Variants in CCDC158 observed in about 807,000 individuals in gnomAD.
CCDC158 encodes coiled-coil domain-containing protein 158.
Under a neutral mutation model 138.6 loss-of-function variants are expected in CCDC158, and 116 were observed. The ratio of observed to expected loss-of-function variants is 0.84; its 90% CI spans 0.72 to 0.98. CCDC158 has a LOEUF of 0.98. Among genes scored for constraint, CCDC158 ranks in the 50% least tolerant of loss-of-function variants. The pLI, the probability that CCDC158 is intolerant of heterozygous loss-of-function variation, is 0.00. For missense variants in CCDC158, 1,265 were observed against 1,306.1 expected, an observed-to-expected ratio of 0.97 and a Z score of 0.48; for synonymous variants, 436 against 442.4, an observed-to-expected ratio of 0.99 and a Z score of 0.18.
rs1042929831 is a variant in CCDC158, at chr4:76,408,432, C to T, written c.-74+3658G>A. 1.7e-4 allele frequency among the ~76,000 whole-genome samples: 25 copies of T among 151,206 alleles called. No individual in the cohort carries two copies. In the South Asian group the frequency reaches 1.7e-3, roughly 10 times the overall value. ...ATTCCCACCTATGAGTGAGAACATG[C>T]GGTGTTTGGTTTTTTGTCCTTGTGA... On this transcript the variant is annotated intron_variant, in intron 2 of 24. Coordinates refer to ENST00000682701, the MANE Select transcript of CCDC158 (RefSeq NM_001394954.1).
At chr4:76,409,864 A>G (rs1298435091) in intron 2 of CCDC158, among the ~76,000 whole-genome samples, 1 of 151,760 alleles carries the variant, frequency 6.6e-6, no homozygotes, top group Non-Finnish European at 1.5e-5. Context: ...ATAAAAAGTA[A>G]TATCTGTGTA....
intron 24 of CCDC158, among the ~76,000 whole-genome samples, chr4:76,318,976 A>C (rs962763489): frequency 9.2e-5 from 14 of 151,686 alleles, no homozygotes; most frequent in African/African-American, 3.4e-4. Flanking sequence ...AAGAATACAA[A>C]AATTAGCTGG....
intron 18 of CCDC158, among the ~76,000 whole-genome samples, chr4:76,346,574 G>A (rs1226968307): frequency 6.6e-6 from 1 of 152,164 alleles, no homozygotes; most frequent in Admixed American, 6.5e-5. Flanking sequence ...GCTGGGCATG[G>A]TGGCACGTGC....
At chr4:76,412,713 T>C (rs549788458) in intron 1 of CCDC158, among the ~76,000 whole-genome samples, 8 of 152,292 alleles carry the variant, frequency 5.3e-5, no homozygotes, top group Non-Finnish European at 1.0e-4. Context: ...ATTGTGCCAC[T>C]ACACTCCAGC....
At chr4:76,353,936 ATTTC>A (rs2110182250) in intron 15 of CCDC158, among the ~76,000 whole-genome samples, 1 of 152,312 alleles carries the variant, frequency 6.6e-6, no homozygotes, top group South Asian at 2.1e-4. Context: ...TTGAGTCTAC[ATTTC>A]TTTATGTATT....
intron 21 of CCDC158, 112 bp from the exon 22 acceptor site, chr4:76,329,079 C>G: frequency 1.2e-6 from 1 of 806,298 alleles, no homozygotes; most frequent in South Asian, 1.5e-5. Context: ...AATATAACCT[C>G]AAGATGGCAA....
rs142423328 is a variant in CCDC158 at position 76,344,086 on chromosome 4, A to C, written c.2664+6910T>G. Among the ~76,000 whole-genome samples, 19 of 152,298 alleles carry C rather than the reference A, an allele frequency of 1.2e-4. 1 individual carries two copies. In the East Asian group the frequency reaches 3.7e-3, roughly 29 times the overall value. On this transcript the variant is annotated intron_variant, in intron 18 of 24. Coordinates refer to ENST00000682701, the MANE Select transcript of CCDC158 (RefSeq NM_001394954.1). The stretch of plus-strand genomic sequence containing the variant: ...ATTGTCTTTGTTTGCAGATGACATG[A>C]TTGTATATTTAGAAAACCCTATCGC...
At chr4:76,322,753 C>T (rs1321075761) in intron 24 of CCDC158, among the ~76,000 whole-genome samples, 1 of 152,064 alleles carries the variant, frequency 6.6e-6, no homozygotes, top group East Asian at 1.9e-4. Flanking sequence ...AGAACTTATG[C>T]CCAAAAAGCT....
chr4:76,417,745 G>A (rs553542864), intron 1 of CCDC158, among the ~76,000 whole-genome samples: 1 of 152,118 alleles, frequency 6.6e-6, no homozygotes, highest in Non-Finnish European at 1.5e-5. Flanking sequence ...GGTAGGTGAG[G>A]GAAGGCCTTC....
chr4:76,375,998 A>G (rs1725681009), intron 9 of CCDC158, among the ~76,000 whole-genome samples: 1 of 152,150 alleles, frequency 6.6e-6, no homozygotes, highest in Non-Finnish European at 1.5e-5. Flanking sequence ...GCCCCTCATA[A>G]AACATGTTGA....
chr4:76,357,037 A>G (rs982399474), intron 14 of CCDC158, among the ~76,000 whole-genome samples: 1 of 152,224 alleles, frequency 6.6e-6, no homozygotes. Context: ...GTTGAAAAAT[A>G]AAGGATTGAA....
rs141046596 is a variant in CCDC158 at position 76,373,177 on chromosome 4, G to A, written c.1030-1641C>T. Among the ~76,000 whole-genome samples the A allele has an allele frequency of 3.4e-3, 523 of 152,248 alleles. 5 individuals carry two copies. The highest frequency in any genetic ancestry group is 0.012 in the African/African-American group (494 of 41,554). ...ATAGTTCTTTATGTCTAGGTTCAGCGTATGCTAAGAGGCTAGGATCTCAGA... is the reference window on the plus strand; with the variant it reads ...ATAGTTCTTTATGTCTAGGTTCAGCATATGCTAAGAGGCTAGGATCTCAGA... On this transcript the variant is annotated intron_variant, in intron 9 of 24. Transcript: ENST00000682701.
chr4:76,401,422 G>T (rs1020602988), intron 3 of CCDC158: 1 of 461,884 alleles, frequency 2.2e-6, no homozygotes, highest in Non-Finnish European at 4.2e-6. Flanking sequence ...CAATTTTCTG[G>T]AAAAAGACTA....
chr4:76,351,195 T>C, intron 17 of CCDC158, 74 bp from the exon 18 acceptor site: 6 of 1,401,032 alleles, frequency 4.3e-6, no homozygotes, highest in African/African-American at 1.4e-5. Context: ...TCAAAATGTA[T>C]TTTTTGATTT....
intron 24 of CCDC158, among the ~76,000 whole-genome samples, chr4:76,317,781 T>C (rs1430851896): frequency 6.6e-6 from 1 of 152,078 alleles, no homozygotes; most frequent in Non-Finnish European, 1.5e-5. Context: ...TCAACAAATT[T>C]AAGAAAAGCA....
chr4:76,332,034 A>G (rs561648407), intron 20 of CCDC158, among the ~76,000 whole-genome samples: 1 of 152,278 alleles, frequency 6.6e-6, no homozygotes, highest in African/African-American at 2.4e-5. Flanking sequence ...TTATTGATGA[A>G]AATAGGATGG....
Position 76,384,554 on chromosome 4 carries a change from A to G in CCDC158, c.398+2T>C. The stretch of plus-strand genomic sequence containing the variant: ...CTTTAAAATAATTTCACAAATCCCA[A>G]CCTGATGTCAGCCATAGCATCTCTC... On this transcript the variant is annotated splice_donor_variant, in intron 5 of 24. Transcript: ENST00000682701. LOFTEE classifies it high-confidence loss of function. 1 of 1,605,162 alleles carries G rather than the reference A, an allele frequency of 6.2e-7. No individual in the cohort carries two copies. Among genetic ancestry groups the G allele is most frequent in the Non-Finnish European group, 8.5e-7 (1 of 1,175,942 alleles).
intron 2 of CCDC158, among the ~76,000 whole-genome samples, chr4:76,411,292 C>T (rs13435429): frequency 0.029 from 4,447 of 152,058 alleles, 217 homozygotes; most frequent in African/African-American, 0.1. Context: ...GTCCCAGCTA[C>T]GTGGAAGGGT....
intron 9 of CCDC158, chr4:76,375,609 C>G: frequency 2.8e-6 from 2 of 702,822 alleles, no homozygotes; most frequent in Non-Finnish European, 5.2e-6. Flanking sequence ...TTTTTGTTGT[C>G]AAAAAGCGAA....
Sources: gnomAD v4.1 joint callset for allele counts (sites outside exome capture counted in the v4.1 genomes callset) on GRCh38, gnomAD v4.1.1 for gene constraint, MANE v1.5 for transcripts, NCBI Gene and HGNC (gene_info 2026-07-23, HGNC 2026-07-21) for gene names.